KYNU: variants seen among roughly 807,000 people sequenced by gnomAD.
KYNU encodes the protein L-kynurenine hydrolase.
Under a neutral mutation model 59.2 loss-of-function variants are expected in KYNU, and 54 were observed. The observed-to-expected ratio is 0.91, with a 90% confidence interval of 0.73 to 1.14. The LOEUF (loss-of-function observed/expected upper bound fraction) is 1.14. Ranked by LOEUF, KYNU falls within the 50% of genes most tolerant of loss-of-function variation. The probability of loss-of-function intolerance (pLI) is 0.00; values close to 1 mark genes in which losing one functional copy is unlikely to be tolerated. For missense variants in KYNU, 567 were observed against 554.4 expected, an observed-to-expected ratio of 1.02 and a Z score of -0.23; for synonymous variants, 177 against 192.0, an observed-to-expected ratio of 0.92 and a Z score of 0.65.
At chr2:142,957,937 A>G in intron 7 of KYNU, 1 of 484,108 alleles carries the variant, frequency 2.1e-6, no homozygotes, top group South Asian at 2.4e-5. Context: ...TATGGCAAGC[A>G]AACTATTTTT....
intron 10 of KYNU, among the ~76,000 whole-genome samples, chr2:143,012,944 G>C (rs1686152642): frequency 6.6e-6 from 1 of 152,030 alleles, no homozygotes; most frequent in South Asian, 2.1e-4. Flanking sequence ...ACATAAGTGA[G>C]ATCATGCAAT....
intron 1 of KYNU, 23 bp from the exon 2 acceptor site, chr2:142,885,326 T>C (rs1297582581): frequency 2.5e-6 from 4 of 1,595,266 alleles, no homozygotes; most frequent in Non-Finnish European, 3.4e-6. Context: ...GTGGCTAGAT[T>C]ATGTTTTATT....
intron 4 of KYNU, among the ~76,000 whole-genome samples, chr2:142,953,581 A>C (rs1684065956): frequency 6.6e-6 from 1 of 152,244 alleles, no homozygotes; most frequent in Non-Finnish European, 1.5e-5. Context: ...GCTTATATTC[A>C]TATCTATTTA....
At chr2:142,942,399 T>C (rs914224349) in intron 4 of KYNU, among the ~76,000 whole-genome samples, 2 of 152,220 alleles carry the variant, frequency 1.3e-5, no homozygotes, top group African/African-American at 4.8e-5. Context: ...TTTCTATCAT[T>C]CTTCCTCAAA....
At chr2:142,905,200 C>T (rs747946779) in intron 2 of KYNU, among the ~76,000 whole-genome samples, 13 of 152,058 alleles carry the variant, frequency 8.5e-5, no homozygotes, top group Non-Finnish European at 7.3e-5. Context: ...CTTTTGGGTA[C>T]GAAATATGAG....
chr2:142,924,204 A>C (rs1351534095), intron 3 of KYNU, among the ~76,000 whole-genome samples: 1 of 152,040 alleles, frequency 6.6e-6, no homozygotes, highest in East Asian at 1.9e-4. Context: ...ACTTGGGCCC[A>C]GGCTATCCTC....
chr2:143,036,487 T>TA (rs1205874180), intron 12 of KYNU, among the ~76,000 whole-genome samples: 1 of 152,140 alleles, frequency 6.6e-6, no homozygotes, highest in Non-Finnish European at 1.5e-5. Context: ...AAAACACTTT[T>TA]AAATAAGGAA....
At chr2:143,008,570 TA>T in intron 10 of KYNU, among the ~76,000 whole-genome samples, 1 of 57,558 alleles carries the variant, frequency 1.7e-5, no homozygotes, top group Non-Finnish European at 3.0e-5. Flanking sequence ...AATAGACATC[TA>T]CAGAACTCTC....
intron 4 of KYNU, among the ~76,000 whole-genome samples, chr2:142,934,907 T>C (rs548746309): frequency 3.3e-5 from 5 of 152,322 alleles, no homozygotes; most frequent in South Asian, 2.1e-4. Context: ...GGGCATTGTC[T>C]GGACCAGTAG....
At chr2:142,983,848 G>T (rs1005466369) in intron 8 of KYNU, among the ~76,000 whole-genome samples, 1 of 151,934 alleles carries the variant, frequency 6.6e-6, no homozygotes, top group Admixed American at 6.6e-5. Context: ...GTTTATATAT[G>T]GCAAATCGTA....
chr2:143,005,601 T>C (rs551249790), intron 10 of KYNU, among the ~76,000 whole-genome samples: 1 of 152,264 alleles, frequency 6.6e-6, no homozygotes, highest in East Asian at 1.9e-4. Context: ...AGTATAAATA[T>C]ATATAGCATA....
chr2:143,003,468 C>T (rs1035333175), intron 10 of KYNU, among the ~76,000 whole-genome samples: 18 of 151,842 alleles, frequency 1.2e-4, no homozygotes, highest in African/African-American at 3.6e-4. Context: ...CTATAATCCC[C>T]GCTATTCAGG....
chr2:142,902,339 T>C (rs1682127065), intron 2 of KYNU, among the ~76,000 whole-genome samples: 1 of 152,198 alleles, frequency 6.6e-6, no homozygotes, highest in South Asian at 2.1e-4. Context: ...GTTGGTAAGC[T>C]TAACACTGAG....
intron 10 of KYNU, among the ~76,000 whole-genome samples, chr2:143,006,732 A>C (rs1685917213): frequency 6.6e-6 from 1 of 151,606 alleles, no homozygotes; most frequent in Admixed American, 6.6e-5. Context: ...CTGCCTCCTC[A>C]AGTGGGTTCC....
intron 13 of KYNU, among the ~76,000 whole-genome samples, chr2:143,041,374 C>T (rs759438662): frequency 4.6e-5 from 7 of 151,996 alleles, no homozygotes; most frequent in East Asian, 3.8e-4. Context: ...ACTCTGCTGT[C>T]GTCAAACTCT....
chr2:142,974,212 A>T (rs1165389015), intron 8 of KYNU, among the ~76,000 whole-genome samples: 1 of 152,210 alleles, frequency 6.6e-6, no homozygotes, highest in Non-Finnish European at 1.5e-5. Flanking sequence ...CTTTCTACAA[A>T]GATAATTTTG....
Position 142,922,967 on chromosome 2 carries a change from T to A in KYNU, c.290+4238T>A, listed in dbSNP as rs149752790. ...TTAGTGTCTGGTAAGGTCTGCTCTC[T>A]GCTTCCAAGATGGTGCTTCTTGCTG... On this transcript the variant is annotated intron_variant, in intron 3 of 13. Transcript: ENST00000264170. Among the ~76,000 whole-genome samples the A allele has an allele frequency of 3.0e-3, 450 of 152,328 alleles. 4 individuals are homozygous for A. Among genetic ancestry groups the A allele is most frequent in the African/African-American group, 0.01 (429 of 41,564 alleles).
At chr2:143,026,724 T>A (rs1686578773) in intron 10 of KYNU, among the ~76,000 whole-genome samples, 1 of 147,304 alleles carries the variant, frequency 6.8e-6, no homozygotes, top group Non-Finnish European at 1.5e-5. Flanking sequence ...GTTACAGTGC[T>A]CTTTTAGCTC....
intron 10 of KYNU, among the ~76,000 whole-genome samples, chr2:143,015,768 G>A (rs1165322737): frequency 6.6e-6 from 1 of 152,030 alleles, no homozygotes; most frequent in Admixed American, 6.5e-5. Context: ...CTCAAATTAA[G>A]ACTTTATATT....
Sources: allele counts gnomAD v4.1 joint callset (sites outside exome capture counted in the v4.1 genomes callset), GRCh38; gene constraint gnomAD v4.1.1; transcripts MANE v1.5; gene names NCBI Gene and HGNC (gene_info 2026-07-23, HGNC 2026-07-21).